The following SRD5A1 variants were observed in gnomAD, a reference collection of about 807,000 sequenced individuals.
The protein encoded by SRD5A1 is 3-oxo-5-alpha-steroid 4-dehydrogenase 1.
SRD5A1 carries 22 observed loss-of-function variants against 28.2 expected under a neutral mutation model. That is an observed-to-expected ratio of 0.78 (90% confidence interval 0.56 to 1.12). SRD5A1 has a LOEUF of 1.12. Ranked by LOEUF, SRD5A1 falls within the 50% of genes most tolerant of loss-of-function variation. The pLI is 0.00. For synonymous variants in SRD5A1, 151 were observed against 135.0 expected, an observed-to-expected ratio of 1.12 and a Z score of -0.82; for missense variants, 300 against 346.7, an observed-to-expected ratio of 0.87 and a Z score of 1.07.
Position 6,633,733 on chromosome 5 carries a change from C to T in SRD5A1, c.157C>T (p.Arg53Trp). The change falls in exon 1 of 5, where the codon CGG becomes TGG. Residue 53 changes from arginine (R) to tryptophan (W), a missense_variant. Physicochemically the swap from Arg to Trp is moderately radical, Grantham distance 101 (BLOSUM62 -3). Transcript: ENST00000274192. ...CAGCCACAGGCTCCGAGTGCCGGCG[C>T]GGGCCGCCTGGGTGGTGCAGGAGCT... is the stretch of plus-strand genomic sequence containing the variant. ...LPSHRLRVPA[R>W]AAWVVQELPS... The T allele has an allele frequency of 2.5e-6, 4 of 1,594,470 alleles. No homozygotes were observed. Among genetic ancestry groups the T allele is most frequent in the Non-Finnish European group, 3.4e-6 (4 of 1,177,976 alleles).
At chr5:6,667,352 A>G (rs764264256) in intron 4 of SRD5A1, among the ~76,000 whole-genome samples, 1 of 152,212 alleles carries the variant, frequency 6.6e-6, no homozygotes, top group East Asian at 1.9e-4. Flanking sequence ...CGAATTCTCT[A>G]TTTGTGGATT....
At chr5:6,642,829 A>G (rs181807) in intron 1 of SRD5A1, among the ~76,000 whole-genome samples, 85,847 of 152,056 alleles carry the variant, frequency 0.56, 24,748 homozygotes, top group African/African-American at 0.67. Context: ...AAACTGGTGT[A>G]TTTATGTGGG....
In SRD5A1 at chr5:6,633,481, C is replaced by T. The variant is rs1025000469; in HGVS notation, c.-96C>T. On this transcript the variant is annotated 5_prime_UTR_variant, in exon 1 of 5. Transcript: ENST00000274192. ...CGGCAGTGCGGGACTCCGGTAGCCG[C>T]CCCTCCGGTAGCCGCCCCTCCTGCC... The T allele has an allele frequency of 2.3e-6, 3 of 1,319,062 alleles. No individual in the cohort carries two copies. Among genetic ancestry groups the T allele is most frequent in the African/African-American group, 1.6e-5 (1 of 63,886 alleles). 81.7% of individuals were successfully genotyped at this position (1,319,062 alleles called of 1,614,324 possible).
rs981494972 is a variant in SRD5A1 at position 6,668,503 on chromosome 5, T to C, written c.*235T>C. On this transcript the variant is annotated 3_prime_UTR_variant, in exon 5 of 5. Coordinates refer to ENST00000274192, the MANE Select transcript of SRD5A1 (RefSeq NM_001047.4). ...GGTCAGAATTTCAAGCTCTGGGTAA[T>C]AACTGCTGATATTTTTTCTAATTTC... The C allele has an allele frequency of 5.2e-5, 19 of 364,696 alleles. No individual in the cohort carries two copies. The highest frequency in any genetic ancestry group is 7.7e-4 in the Middle Eastern group (1 of 1,296). 22.6% of individuals were successfully genotyped at this position (364,696 alleles called of 1,614,324 possible). A position where few individuals can be genotyped will look rare whatever the true frequency, so the allele number is the denominator to read the frequency against.
Position 6,672,456 on chromosome 5 carries a change from G to C in SRD5A1, c.*4188G>C, listed in dbSNP as rs566210835. The C allele has an allele frequency of 1.3e-5, 2 of 152,244 alleles. No individual in the cohort carries two copies. The highest frequency in any genetic ancestry group is 2.9e-5 in the Non-Finnish European group (2 of 68,034). The allele number at this position is 152,244 out of a possible 1,614,324, so 9.4% of individuals were successfully genotyped here. ...ATGCCCAGCTAATTTTGTATTTTTAGTAGAGACAGGGTTTCACCATGTTGT... is the reference window on the plus strand; with the variant it reads ...ATGCCCAGCTAATTTTGTATTTTTACTAGAGACAGGGTTTCACCATGTTGT... On this transcript the variant is annotated 3_prime_UTR_variant, in exon 5 of 5. Transcript: ENST00000274192.
intron 4 of SRD5A1, among the ~76,000 whole-genome samples, chr5:6,667,439 A>G (rs1739218716): frequency 9.9e-5 from 15 of 152,164 alleles, no homozygotes; most frequent in Admixed American, 9.8e-4. Context: ...TGTTTCTACC[A>G]CATTAACAAT....
chr5:6,640,253 A>C (rs1394241645), intron 1 of SRD5A1, among the ~76,000 whole-genome samples: 4 of 152,208 alleles, frequency 2.6e-5, no homozygotes, highest in African/African-American at 9.7e-5. Context: ...TTTGCAGTGT[A>C]AAAAAAGGGC....
chr5:6,655,739 C>CT (rs748758270), intron 2 of SRD5A1, among the ~76,000 whole-genome samples: 8 of 152,214 alleles, frequency 5.3e-5, no homozygotes, highest in Non-Finnish European at 8.8e-5. Context: ...TGGGATGCGT[C>CT]TGTCTGGTGG....
chr5:6,633,993 A>AT, intron 1 of SRD5A1, 124 bp downstream of exon 1: 1 of 1,059,184 alleles, frequency 9.4e-7, no homozygotes, highest in Non-Finnish European at 1.4e-6. Flanking sequence ...TCCCTGCCAG[A>AT]TCCCCCGGGG....
chr5:6,663,555 C>A (rs1186936332), intron 4 of SRD5A1, among the ~76,000 whole-genome samples: 2 of 152,184 alleles, frequency 1.3e-5, no homozygotes, highest in African/African-American at 4.8e-5. Flanking sequence ...ATTTGACCAA[C>A]ACACTCATAA....
intron 4 of SRD5A1, among the ~76,000 whole-genome samples, chr5:6,666,631 G>T (rs937808852): frequency 6.6e-6 from 1 of 152,154 alleles, no homozygotes; most frequent in African/African-American, 2.4e-5. Flanking sequence ...ATTCTAAGGA[G>T]TAAGAAAAAT....
Position 6,668,366 on chromosome 5 carries a change from C to T in SRD5A1, c.*98C>T. 1.3e-6 allele frequency: 1 copy of T among 766,994 alleles called. No individual in the cohort carries two copies. Among genetic ancestry groups the T allele is most frequent in the East Asian group, 2.9e-5 (1 of 34,454 alleles). 47.5% of individuals were successfully genotyped at this position (766,994 alleles called of 1,614,324 possible). On this transcript the variant is annotated 3_prime_UTR_variant, in exon 5 of 5. Transcript: ENST00000274192. ...TTATATCTTTGTAATTTTCCTGCTACTTTATCATTTTCAAGATGTCCTCTA... is the reference window on the plus strand; with the variant it reads ...TTATATCTTTGTAATTTTCCTGCTATTTTATCATTTTCAAGATGTCCTCTA...
chr5:6,659,241 G>A (rs1332331408), intron 3 of SRD5A1, among the ~76,000 whole-genome samples: 2 of 151,788 alleles, frequency 1.3e-5, no homozygotes, highest in African/African-American at 2.4e-5. Context: ...AGCCCCCCGA[G>A]TAGCTGGGAC....
intron 1 of SRD5A1, chr5:6,644,973 T>C (rs1190484072): frequency 2.2e-6 from 1 of 456,018 alleles, no homozygotes; most frequent in East Asian, 7.0e-5. Context: ...TCCAGGAGAA[T>C]ACCCACCTCA....
intron 1 of SRD5A1, among the ~76,000 whole-genome samples, chr5:6,637,732 G>A (rs8192148): frequency 0.012 from 1,858 of 150,534 alleles, 37 homozygotes; most frequent in African/African-American, 0.043. Context: ...TGTTAGGACT[G>A]GTGGCCAAAT....
At chr5:6,645,388 C>G (rs867647732) in intron 1 of SRD5A1, 6 of 177,082 alleles carry the variant, frequency 3.4e-5, no homozygotes, top group South Asian at 1.1e-4. Flanking sequence ...GCCTGTAATC[C>G]CAACACTTTG....
At chr5:6,638,934 T>C (rs1019193807) in intron 1 of SRD5A1, among the ~76,000 whole-genome samples, 43 of 152,342 alleles carry the variant, frequency 2.8e-4, no homozygotes, top group African/African-American at 1.0e-3. Flanking sequence ...TTAACCACTC[T>C]CAGTTTTAAA....
intron 3 of SRD5A1, among the ~76,000 whole-genome samples, chr5:6,658,337 A>T (rs895333149): frequency 3.9e-5 from 6 of 152,228 alleles, no homozygotes; most frequent in African/African-American, 7.2e-5. Flanking sequence ...AAAAATAAAA[A>T]AAATAAAATG....
intron 1 of SRD5A1, among the ~76,000 whole-genome samples, chr5:6,634,923 A>G (rs1738133891): frequency 6.6e-6 from 1 of 152,248 alleles, no homozygotes; most frequent in Admixed American, 6.5e-5. Context: ...ACAGTTAAAA[A>G]GGATGTCTCT....
Sources: gnomAD v4.1 joint callset for allele counts (sites outside exome capture counted in the v4.1 genomes callset) on GRCh38, gnomAD v4.1.1 for gene constraint, MANE v1.5 for transcripts, NCBI Gene and HGNC (gene_info 2026-07-23, HGNC 2026-07-21) for gene names.